The following MYO15A variants were observed in gnomAD, a reference collection of about 807,000 sequenced individuals.
MYO15A encodes unconventional myosin-XV.
A neutral mutation model predicts 394.6 loss-of-function variants in MYO15A; 308 were observed. That is an observed-to-expected ratio of 0.78 (90% confidence interval 0.71 to 0.86). The LOEUF is 0.86. Ranked by LOEUF, MYO15A falls within the 40% of genes least tolerant of loss-of-function variation. The probability of loss-of-function intolerance (pLI) is 0.00; values close to 1 mark genes in which losing one functional copy is unlikely to be tolerated. For synonymous variants in MYO15A, 1,957 were observed against 2,003.8 expected, an observed-to-expected ratio of 0.98 and a Z score of 0.62; for missense variants, 4,606 against 4,799.1, an observed-to-expected ratio of 0.96 and a Z score of 1.19.
chr17:18,131,523 G>A lies in MYO15A; in HGVS notation c.4198G>A (p.Val1400Met), dbSNP rs749136456. 2.4e-5 allele frequency: 39 copies of A among 1,613,814 alleles called. No homozygotes were observed. Among genetic ancestry groups the A allele is most frequent in the Admixed American group, 1.3e-4 (8 of 59,974 alleles). Residue 1400 changes from valine (V) to methionine (M), a missense_variant, in exon 10 of 66, where the codon GTG becomes ATG. Val to Met is a conservative substitution (Grantham distance 21). Around this residue, in one of 2 missense-constraint regions of MYO15A, gnomAD observed 2,776 missense variants for 3,109.3 expected, o/e 0.89. Transcript: ENST00000647165. ...SQYLLEKSRI[V>M]FQAKNERNYH... ...GTACCTGCTTGAGAAATCCAGGATC[G>A]TGTTTCAGGTGGGCCACCCCCTCCC...
intron 62 of MYO15A, among the ~76,000 whole-genome samples, chr17:18,168,040 T>G (rs913657554): frequency 6.6e-6 from 1 of 152,242 alleles, no homozygotes; most frequent in Non-Finnish European, 1.5e-5. Flanking sequence ...GCAGAAAGAT[T>G]CAGCCACAAA....
At chr17:18,138,999 A>T in intron 18 of MYO15A, 63 bp downstream of exon 18, 1 of 1,574,890 alleles carries the variant, frequency 6.3e-7, no homozygotes, top group Non-Finnish European at 8.6e-7. Context: ...TTGGAGACAC[A>T]GAAGCACAAC....
intron 18 of MYO15A, 144 bp from the exon 19 acceptor site, chr17:18,139,390 G>T (rs2046337268): frequency 1.0e-6 from 1 of 977,276 alleles, no homozygotes; most frequent in South Asian, 1.5e-5. Context: ...AGAAGCCATG[G>T]CGAATGCTCC....
chr17:18,143,478 C>T, intron 25 of MYO15A, 88 bp from the exon 26 acceptor site: 1 of 1,463,868 alleles, frequency 6.8e-7, no homozygotes, highest in Non-Finnish European at 9.3e-7. Flanking sequence ...TTGAGTGTGG[C>T]CGCCTTGCGT....
intron 2 of MYO15A, chr17:18,123,965 G>C (rs1318602242): frequency 1.0e-5 from 2 of 199,082 alleles, no homozygotes; most frequent in African/African-American, 4.5e-5. Flanking sequence ...ACACCTGTGT[G>C]CCTGGGAGTT....
In MYO15A at chr17:18,166,499, A is replaced by T. The variant is rs760050720; in HGVS notation, c.9926A>T (p.Tyr3309Phe). ...CCACTCAAGTTCGAGAATGAGCTAT[A>T]TGTGACCATGCACTACAACCAGGTC... is the stretch of plus-strand genomic sequence containing the variant. ...DQPLKFENELYVTMHYNQVLP... is the reference protein window; with the variant it reads ...DQPLKFENELFVTMHYNQVLP... Residue 3309 changes from tyrosine (Y) to phenylalanine (F), a missense_variant, in exon 61 of 66, where the codon TAT becomes TTT. Transcript: ENST00000647165. 4 of 1,613,702 alleles carry T rather than the reference A, an allele frequency of 2.5e-6. No individual in the cohort carries two copies. Among genetic ancestry groups the T allele is most frequent in the Non-Finnish European group, 3.4e-6 (4 of 1,180,018 alleles).
At chr17:18,157,661 G>A in intron 50 of MYO15A, 61 bp from the exon 51 acceptor site, 1 of 1,597,566 alleles carries the variant, frequency 6.3e-7, no homozygotes, top group Non-Finnish European at 8.5e-7. Flanking sequence ...CTCCCTAAAG[G>A]ACCCCCTTAG....
Position 18,147,279 on chromosome 17 carries a change from A to G in MYO15A, c.6510-750A>G, listed in dbSNP as rs2046498079. ...TATACAGAATCTTGCTTAGGCCAGC[A>G]TGCAGCAAATGGACATCACCTGGCC... On this transcript the variant is annotated intron_variant, in intron 30 of 65. Coordinates refer to ENST00000647165, the MANE Select transcript of MYO15A (RefSeq NM_016239.4). The surrounding 1 kb of genome is among the most constrained non-coding windows in gnomAD (Gnocchi z 4.4). Among the ~76,000 whole-genome samples the G allele has an allele frequency of 6.6e-6, 1 of 152,246 alleles. No individual in the cohort carries two copies. The highest frequency in any genetic ancestry group is 1.5e-5 in the Non-Finnish European group (1 of 68,048).
At position 18,149,291 on chromosome 17, in the gene MYO15A, A is replaced by T; in HGVS notation, c.7032A>T (p.Val2344=). Residue 2344 remains valine (V), a synonymous_variant, in exon 34 of 66, where the codon GTA becomes GTT. Coordinates refer to ENST00000647165, the MANE Select transcript of MYO15A (RefSeq NM_016239.4). Reference sequence around the variant, plus strand: ...AGCCCCAGGAGCACATGCCCAAAGTACTTGACTCTGATGGGTACAGCAGCC... The same window carrying T: ...AGCCCCAGGAGCACATGCCCAAAGTTCTTGACTCTGATGGGTACAGCAGCC... ...RPQPQEHMPK[V]LDSDGYSSHN... 1 of 1,613,854 alleles carries T rather than the reference A, an allele frequency of 6.2e-7. No homozygotes were observed. The highest frequency in any genetic ancestry group is 1.3e-5 in the African/African-American group (1 of 75,004).
chr17:18,162,563 C>G (rs1390923040), intron 57 of MYO15A, 22 bp from the exon 58 acceptor site: 2 of 1,611,984 alleles, frequency 1.2e-6, no homozygotes, highest in Admixed American at 1.7e-5. Context: ...TTGGGCGAGG[C>G]CTGAACTCCC....
intron 40 of MYO15A, 36 bp downstream of exon 40, chr17:18,151,563 C>G: frequency 6.2e-7 from 1 of 1,612,408 alleles, no homozygotes; most frequent in Middle Eastern, 1.7e-4. Flanking sequence ...CGCCAGCCCC[C>G]TCACTGTACC....
intron 56 of MYO15A, 158 bp from the exon 57 acceptor site, chr17:18,161,159 C>T: frequency 8.7e-7 from 1 of 1,149,598 alleles, no homozygotes; most frequent in Non-Finnish European, 1.3e-6. Context: ...ACTTCCCAAG[C>T]AGAATATGCC....
chr17:18,112,895 C>T lies in MYO15A; in HGVS notation c.-220+4071C>T, dbSNP rs552307761. Among the ~76,000 whole-genome samples the T allele has an allele frequency of 7.3e-5, 11 of 151,668 alleles. No homozygotes were observed. In the South Asian group the frequency reaches 1.9e-3, roughly 26 times the overall value. On this transcript the variant is annotated intron_variant, in intron 1 of 65. Coordinates refer to ENST00000647165, the MANE Select transcript of MYO15A (RefSeq NM_016239.4). The stretch of plus-strand genomic sequence containing the variant: ...CGGAGTCTCACTCTGTCACCTGGAC[C>T]GGAGTGCAGTAGCATGATCTCAGCT...
rs2046617188 is a variant in MYO15A at position 18,153,392 on chromosome 17, A to G, written c.7967-383A>G. On this transcript the variant is annotated intron_variant, in intron 42 of 65. Transcript: ENST00000647165. This position sits in a 1 kb window ranked among gnomAD's most constrained non-coding sequence, Gnocchi z 4.1. Reference sequence around the variant, plus strand: ...CTCCTCCACCCGCCCTGCCTCTCCCATTTCATCCTAGGAGGTGCCTGTGGC... The same window carrying G: ...CTCCTCCACCCGCCCTGCCTCTCCCGTTTCATCCTAGGAGGTGCCTGTGGC... The G allele has an allele frequency of 6.8e-6, 1 of 147,528 alleles. No individual in the cohort carries two copies. The highest frequency in any genetic ancestry group is 2.6e-5 in the African/African-American group (1 of 38,426). 9.1% of individuals were successfully genotyped at this position (147,528 alleles called of 1,614,324 possible). A position where few individuals can be genotyped will look rare whatever the true frequency, so the allele number is the denominator to read the frequency against.
chr17:18,143,474 G>A, intron 25 of MYO15A, 92 bp from the exon 26 acceptor site: 1 of 1,436,638 alleles, frequency 7.0e-7, no homozygotes, highest in Non-Finnish European at 9.6e-7. Context: ...TTGCTTGAGT[G>A]TGGCCGCCTT....
chr17:18,136,630 G>A lies in MYO15A; in HGVS notation c.4723G>A (p.Val1575Met), dbSNP rs989547707. 7 of 1,613,466 alleles carry A rather than the reference G, an allele frequency of 4.3e-6. No individual in the cohort carries two copies. Among genetic ancestry groups the A allele is most frequent in the Non-Finnish European group, 5.9e-6 (7 of 1,179,992 alleles). The change falls in exon 15 of 66, where the codon GTG (valine) becomes ATG (methionine). Residue 1575 changes from valine to methionine, a missense_variant. By Grantham distance (21) the Val-to-Met change is conservative. Transcript: ENST00000647165. The part of the protein sequence containing the change: ...SWLITRVNAL[V>M]SPRQDTLSIA... ...GCTCATCACCAGGGTCAACGCGCTG[G>A]TGTCCCCAAGGCAGGACACACTGTC...
intron 56 of MYO15A, among the ~76,000 whole-genome samples, chr17:18,160,368 A>G (rs1567659889): frequency 6.6e-6 from 1 of 152,232 alleles, no homozygotes; most frequent in Admixed American, 6.5e-5. Flanking sequence ...AGCTGGATCC[A>G]GGTGTCATCA....
chr17:18,150,717 C>A lies in MYO15A; in HGVS notation c.7347C>A (p.Ser2449=). Reference sequence around the variant, plus strand: ...CCTCAGTCCCAGGCCTGGATGCCTCCACATTGGCTCTGCAGCAAGCCTTCA... The same window carrying A: ...CCTCAGTCCCAGGCCTGGATGCCTCAACATTGGCTCTGCAGCAAGCCTTCA... The part of the protein sequence containing the change: ...EPKPIPGLDA[S]TLALQQAFIH... The change falls in exon 37 of 66, where the codon TCC becomes TCA. Residue 2449 remains serine (S), a synonymous_variant. Transcript: ENST00000647165. The surrounding 1 kb of genome is among the most constrained non-coding windows in gnomAD (Gnocchi z 4.4). 6.3e-7 allele frequency: 1 copy of A among 1,589,628 alleles called. No individual in the cohort carries two copies. The highest frequency in any genetic ancestry group is 1.3e-5 in the African/African-American group (1 of 74,452).
At chr17:18,113,885 T>C (rs1264153740) in intron 1 of MYO15A, among the ~76,000 whole-genome samples, 1 of 150,758 alleles carries the variant, frequency 6.6e-6, no homozygotes, top group Non-Finnish European at 1.5e-5. Context: ...GTCAACAGGC[T>C]GATCTGCAGC....
Sources: gnomAD v4.1 joint callset for allele counts (sites outside exome capture counted in the v4.1 genomes callset) on GRCh38, gnomAD v4.1.1 for gene constraint, gnomAD v4.1.1 regional missense constraint, Gnocchi (gnomAD v3.1) non-coding constraint, MANE v1.5 for transcripts, NCBI Gene and HGNC (gene_info 2026-07-23, HGNC 2026-07-21) for gene names.